Variants in SLIT3 observed in about 807,000 individuals in gnomAD.
The protein encoded by SLIT3 is slit guidance ligand 3.
Under a neutral mutation model 184.0 loss-of-function variants are expected in SLIT3, and 68 were observed. That is an observed-to-expected ratio of 0.37 (90% CI 0.30 to 0.45). SLIT3 has a LOEUF of 0.45. Ranked by LOEUF, SLIT3 falls within the 20% of genes least tolerant of loss-of-function variation. SLIT3 has a pLI of 1.00. For missense variants in SLIT3, 1,707 were observed against 2,026.0 expected (o/e 0.84, Z 3.02); for synonymous variants, 831 against 828.6 (o/e 1.00, Z -0.05).
chr5:168,788,451 C>T (rs932112835), intron 11 of SLIT3, among the ~76,000 whole-genome samples: 15 of 152,114 alleles, frequency 9.9e-5, no homozygotes, highest in South Asian at 2.1e-4. Flanking sequence ...CATAGCTGCA[C>T]GGAGAGGCAA....
At chr5:169,146,299 T>G (rs575941521) in intron 4 of SLIT3, among the ~76,000 whole-genome samples, 1 of 152,374 alleles carries the variant, frequency 6.6e-6, no homozygotes, top group East Asian at 1.9e-4. Flanking sequence ...TATTCCCTCT[T>G]AAGCACAGGC....
intron 4 of SLIT3, among the ~76,000 whole-genome samples, chr5:168,946,267 G>A (rs1581234442): frequency 2.0e-5 from 3 of 152,336 alleles, no homozygotes; most frequent in South Asian, 4.1e-4. Context: ...AGGGGACTCA[G>A]TTGACCCCAG....
chr5:168,956,829 T>C (rs1762843519), intron 4 of SLIT3, among the ~76,000 whole-genome samples: 1 of 151,616 alleles, frequency 6.6e-6, no homozygotes, highest in Non-Finnish European at 1.5e-5. Flanking sequence ...GGTAGCAAGA[T>C]TTTGAAATAC....
Position 168,666,029 on chromosome 5 carries a change from G to A in SLIT3, c.*425C>T, listed in dbSNP as rs912993432. 1.3e-5 allele frequency: 2 copies of A among 153,184 alleles called. No homozygotes were observed. The highest frequency in any genetic ancestry group is 6.5e-5 in the Admixed American group (1 of 15,314). 9.5% of individuals were successfully genotyped at this position (153,184 alleles called of 1,614,324 possible). A position where few individuals can be genotyped will look rare whatever the true frequency, so the allele number is the denominator to read the frequency against. On this transcript the variant is annotated 3_prime_UTR_variant, in exon 36 of 36. Transcript: ENST00000519560. ...AATGAGCAGCTCTTGGTCTACTGCC[G>A]ACATAATACCGTTTCATAAACATGA...
chr5:168,971,087 C>T (rs995491440), intron 4 of SLIT3, among the ~76,000 whole-genome samples: 3 of 152,170 alleles, frequency 2.0e-5, no homozygotes, highest in African/African-American at 7.2e-5. Context: ...GCAAGTTTCC[C>T]ATCTTGTGGA....
chr5:168,829,844 G>A (rs1757822648), intron 6 of SLIT3, among the ~76,000 whole-genome samples: 1 of 152,200 alleles, frequency 6.6e-6, no homozygotes, highest in African/African-American at 2.4e-5. Context: ...GAGGGGTTCT[G>A]GCAGTGTGCG....
chr5:169,209,754 C>T (rs1277417831), intron 3 of SLIT3, among the ~76,000 whole-genome samples: 1 of 152,044 alleles, frequency 6.6e-6, no homozygotes, highest in Non-Finnish European at 1.5e-5. Context: ...AACGAGAACA[C>T]ATGGACATAG....
intron 4 of SLIT3, among the ~76,000 whole-genome samples, chr5:169,107,457 G>A (rs760967326): frequency 1.3e-5 from 2 of 152,112 alleles, no homozygotes; most frequent in Non-Finnish European, 2.9e-5. Flanking sequence ...TGACATTCCT[G>A]AAGGCTTGAA....
At chr5:168,799,787 T>C (rs142064513) in intron 9 of SLIT3, among the ~76,000 whole-genome samples, 2 of 152,332 alleles carry the variant, frequency 1.3e-5, no homozygotes, top group East Asian at 3.9e-4. Flanking sequence ...TCAAATTATT[T>C]TTTTCAACAG....
At chr5:168,969,588 G>A (rs1030140838) in intron 4 of SLIT3, among the ~76,000 whole-genome samples, 2 of 152,214 alleles carry the variant, frequency 1.3e-5, no homozygotes, top group African/African-American at 4.8e-5. Context: ...CTATCAACAA[G>A]AAAAGCAACC....
At chr5:169,260,049 A>T (rs1395950206) in intron 1 of SLIT3, among the ~76,000 whole-genome samples, 1 of 152,124 alleles carries the variant, frequency 6.6e-6, no homozygotes, top group East Asian at 1.9e-4. Context: ...CAGCATAGCT[A>T]TCTCAATGGA....
At chr5:169,008,510 A>C (rs1314221216) in intron 4 of SLIT3, among the ~76,000 whole-genome samples, 1 of 152,190 alleles carries the variant, frequency 6.6e-6, no homozygotes, top group Non-Finnish European at 1.5e-5. Flanking sequence ...CCCAGACGAG[A>C]TAAGACCTGC....
intron 12 of SLIT3, among the ~76,000 whole-genome samples, chr5:168,779,845 T>G (rs1487493295): frequency 6.6e-6 from 1 of 152,106 alleles, no homozygotes; most frequent in East Asian, 1.9e-4. Flanking sequence ...CCAGGTAACA[T>G]GGGGAGATGG....
intron 4 of SLIT3, among the ~76,000 whole-genome samples, chr5:169,137,897 C>T (rs1761582185): frequency 6.6e-6 from 1 of 152,160 alleles, no homozygotes; most frequent in African/African-American, 2.4e-5. Context: ...TCCTCATCTC[C>T]AGGACTCCTG....
intron 1 of SLIT3, among the ~76,000 whole-genome samples, chr5:169,255,466 A>G (rs1043133584): frequency 3.3e-5 from 5 of 152,248 alleles, no homozygotes; most frequent in Admixed American, 3.3e-4. Flanking sequence ...AAAAAAGTTT[A>G]AAAAGTAAAA....
intron 4 of SLIT3, among the ~76,000 whole-genome samples, chr5:169,146,767 C>T (rs192058991): frequency 4.9e-4 from 74 of 152,348 alleles, no homozygotes; most frequent in Admixed American, 2.7e-3. Context: ...TTAGGCCTCA[C>T]CTTGCACATA....
intron 4 of SLIT3, among the ~76,000 whole-genome samples, chr5:169,082,719 T>C (rs1414028044): frequency 6.6e-6 from 1 of 152,180 alleles, no homozygotes; most frequent in Admixed American, 6.5e-5. Context: ...CCATGAAGAG[T>C]AGAAAAATAG....
At chr5:169,107,086 A>G (rs752116000) in intron 4 of SLIT3, among the ~76,000 whole-genome samples, 7 of 152,262 alleles carry the variant, frequency 4.6e-5, no homozygotes, top group Admixed American at 2.6e-4. Flanking sequence ...CACTTCAGCC[A>G]GGCCTTCCTT....
Position 168,983,922 on chromosome 5 carries a change from C to T in SLIT3, c.414-100586G>A, listed in dbSNP as rs113930135. On this transcript the variant is annotated intron_variant, in intron 4 of 35. Transcript: ENST00000519560. ...GAAAAGAAAAGAGAGGCCTGGCTCA[C>T]GCCTGTAATCCCATCACTTTGGGAG... is the stretch of plus-strand genomic sequence containing the variant. Among the ~76,000 whole-genome samples, 113 of 152,158 alleles carry T rather than the reference C, an allele frequency of 7.4e-4. 2 individuals are homozygous for T. In the Middle Eastern group the frequency reaches 0.017, roughly 23 times the overall value.
Sources: allele counts gnomAD v4.1 joint callset (sites outside exome capture counted in the v4.1 genomes callset), GRCh38; gene constraint gnomAD v4.1.1; transcripts MANE v1.5; gene names NCBI Gene and HGNC (gene_info 2026-07-23, HGNC 2026-07-21).